Variants in CCDC88C observed in about 807,000 individuals in gnomAD.
CCDC88C encodes coiled-coil and HOOK domain protein 88C, also known as protein Daple.
CCDC88C carries 131 observed loss-of-function variants against 198.8 expected under a neutral mutation model. The observed-to-expected ratio is 0.66, with a 90% CI of 0.57 to 0.76. CCDC88C has a LOEUF of 0.76. CCDC88C is among the 30% of genes least tolerant of loss of function. CCDC88C has a pLI of 0.00. For synonymous variants in CCDC88C, 1,166 were observed against 1,114.7 expected (o/e 1.05, Z -0.92); for missense variants, 2,553 against 2,631.6 (o/e 0.97, Z 0.65).
intron 4 of CCDC88C, among the ~76,000 whole-genome samples, chr14:91,356,314 C>T (rs903669354): frequency 3.3e-5 from 5 of 152,196 alleles, no homozygotes; most frequent in African/African-American, 1.2e-4. Context: ...CGTCCCCCAG[C>T]CCTGACACGT....
Position 91,315,872 on chromosome 14 carries a change from A to G in CCDC88C, c.1528-85T>C, listed in dbSNP as rs1295339517. 8.0e-6 allele frequency: 11 copies of G among 1,378,302 alleles called. No individual in the cohort carries two copies. The Admixed American group carries it at 8.3e-5, about 10-fold the overall frequency. The allele number at this position is 1,378,302 out of a possible 1,614,324, so 85.4% of individuals were successfully genotyped here. A position where few individuals can be genotyped will look rare whatever the true frequency, so the allele number is the denominator to read the frequency against. Reference sequence around the variant, plus strand: ...TTAAAACAAAACAGAAACCACCCCAACAGAATGCACTGATGGGTCTTTTCT... The same window carrying G: ...TTAAAACAAAACAGAAACCACCCCAGCAGAATGCACTGATGGGTCTTTTCT... On this transcript the variant is annotated intron_variant, in intron 13 of 29. Transcript: ENST00000389857.
chr14:91,366,879 C>T (rs1894566014), intron 3 of CCDC88C, among the ~76,000 whole-genome samples: 1 of 152,198 alleles, frequency 6.6e-6, no homozygotes, highest in South Asian at 2.1e-4. Flanking sequence ...AAAGACTTAA[C>T]AACCTGCCAG....
intron 13 of CCDC88C, among the ~76,000 whole-genome samples, chr14:91,316,910 A>C (rs1325078075): frequency 6.6e-6 from 1 of 152,314 alleles, no homozygotes; most frequent in South Asian, 2.1e-4. Flanking sequence ...TCTGGCCCCC[A>C]GAGGGTTTCC....
intron 13 of CCDC88C, among the ~76,000 whole-genome samples, chr14:91,318,438 A>C (rs982065209): frequency 2.6e-5 from 4 of 152,126 alleles, no homozygotes; most frequent in African/African-American, 7.2e-5. Context: ...CACTTTCCCC[A>C]TGCTGCCCTG....
intron 10 of CCDC88C, among the ~76,000 whole-genome samples, chr14:91,337,521 TG>T (rs1436282093): frequency 1.3e-5 from 2 of 152,160 alleles, no homozygotes; most frequent in African/African-American, 4.8e-5. Flanking sequence ...TTTTATTTTT[TG>T]TAGAGACAGA....
chr14:91,403,417 G>C (rs141183718), intron 3 of CCDC88C, among the ~76,000 whole-genome samples: 1 of 152,164 alleles, frequency 6.6e-6, no homozygotes, highest in Admixed American at 6.5e-5. Flanking sequence ...TCCAGACAAG[G>C]CGCCGGACTG....
chr14:91,371,147 G>A lies in CCDC88C; in HGVS notation c.271-11436C>T, dbSNP rs1894777937. Reference sequence around the variant, plus strand: ...TAAGTCCACCCCTCCTGGCTAAAACGACAGCATCGGTGCTCCAGTGCTTGG... The same window carrying A: ...TAAGTCCACCCCTCCTGGCTAAAACAACAGCATCGGTGCTCCAGTGCTTGG... On this transcript the variant is annotated intron_variant, in intron 3 of 29. Transcript: ENST00000389857. This position sits in a 1 kb window ranked among gnomAD's most constrained non-coding sequence, Gnocchi z 4.2. Among the ~76,000 whole-genome samples the A allele has an allele frequency of 6.6e-6, 1 of 152,140 alleles. No homozygotes were observed. The highest frequency in any genetic ancestry group is 2.4e-5 in the African/African-American group (1 of 41,416).
chr14:91,350,181 G>C (rs1255519522), intron 4 of CCDC88C, among the ~76,000 whole-genome samples: 2 of 148,634 alleles, frequency 1.3e-5, no homozygotes, highest in Non-Finnish European at 3.0e-5. Context: ...TTTTTTTGGA[G>C]ACAGAGTCTC....
chr14:91,299,277 C>T (rs1035969979), intron 21 of CCDC88C, among the ~76,000 whole-genome samples: 3 of 152,188 alleles, frequency 2.0e-5, no homozygotes, highest in Non-Finnish European at 2.9e-5. Flanking sequence ...CCACCTTCTG[C>T]TTAGGGACAT....
rs756819882 is a variant in CCDC88C, at chr14:91,408,658, C to G, written c.270+1G>C. On this transcript the variant is annotated splice_donor_variant, in intron 3 of 29. Coordinates refer to ENST00000389857, the MANE Select transcript of CCDC88C (RefSeq NM_001080414.4). LOFTEE classifies it high-confidence loss of function. Reference sequence around the variant, plus strand: ...ATTCCCGACAGCAGAACTGCCCTTACCTGGTAGTAGGTCTTAATGTTTCTC... The same window carrying G: ...ATTCCCGACAGCAGAACTGCCCTTAGCTGGTAGTAGGTCTTAATGTTTCTC... The G allele has an allele frequency of 6.3e-7, 1 of 1,584,298 alleles. No homozygotes were observed. The highest frequency in any genetic ancestry group is 8.7e-7 in the Non-Finnish European group (1 of 1,152,958).
rs761047287 is a variant in CCDC88C, at chr14:91,278,087, G to C, written c.4893C>G (p.His1631Gln). The C allele has an allele frequency of 1.2e-6, 2 of 1,612,520 alleles. No homozygotes were observed. Among genetic ancestry groups the C allele is most frequent in the Admixed American group, 1.7e-5 (1 of 59,878 alleles). The change falls in exon 29 of 30, where the codon CAC becomes CAG. Residue 1631 changes from histidine (H) to glutamine (Q), a missense_variant. By Grantham distance (24) the His-to-Gln change is conservative (BLOSUM62 0). Around this residue, in one of 2 missense-constraint regions of CCDC88C, gnomAD observed 1,293 missense variants for 1,219.6 expected, o/e 1.06. Transcript: ENST00000389857. ...GCCCGTTCCGAGGCAAGGGGTACTC[G>C]TGGCGGCCGAGGGCGTTGCGTCCCG... ...STPGRNALGR[H>Q]EYPLPRNGPL...
chr14:91,408,550 G>A (rs774374252), intron 3 of CCDC88C, 109 bp downstream of exon 3: 2 of 719,698 alleles, frequency 2.8e-6, no homozygotes, highest in Middle Eastern at 2.3e-4. Context: ...TCAACAAGTA[G>A]AGGCCTAAAC....
chr14:91,340,046 C>T (rs1893252945), intron 6 of CCDC88C, 22 bp from the exon 7 acceptor site: 2 of 1,607,864 alleles, frequency 1.2e-6, no homozygotes. Context: ...CATGGCAGGG[C>T]ACTGCAGGGG....
At chr14:91,281,781 C>A (rs1413951075) in intron 26 of CCDC88C, among the ~76,000 whole-genome samples, 2 of 152,106 alleles carry the variant, frequency 1.3e-5, no homozygotes, top group Non-Finnish European at 2.9e-5. Flanking sequence ...ACGTGTGGAC[C>A]AAAGGCGTGT....
chr14:91,367,635 G>C (rs1369265649), intron 3 of CCDC88C, among the ~76,000 whole-genome samples: 1 of 152,252 alleles, frequency 6.6e-6, no homozygotes, highest in Middle Eastern at 3.4e-3. Context: ...AGGGAGTACT[G>C]CCAAACTGCC....
In CCDC88C at chr14:91,341,825, C is replaced by T. The variant is rs117299931; in HGVS notation, c.483+555G>A. Among the ~76,000 whole-genome samples, 103 of 152,336 alleles carry T rather than the reference C, an allele frequency of 6.8e-4. 1 individual carries two copies. In the East Asian group the frequency reaches 0.018, roughly 27 times the overall value. The stretch of plus-strand genomic sequence containing the variant: ...GCCAGGGGCTCCTCCTCCTCCACTC[C>T]GCTGACGCTCAGTGCAGAGCCCTCC... On this transcript the variant is annotated intron_variant, in intron 6 of 29. Transcript: ENST00000389857.
At chr14:91,363,304 T>C (rs1894391623) in intron 3 of CCDC88C, among the ~76,000 whole-genome samples, 1 of 146,262 alleles carries the variant, frequency 6.8e-6, no homozygotes, top group Non-Finnish European at 1.5e-5. Flanking sequence ...AGAGAGGGGG[T>C]TTCACCATGT....
At chr14:91,317,606 G>A (rs557582271) in intron 13 of CCDC88C, among the ~76,000 whole-genome samples, 7 of 152,344 alleles carry the variant, frequency 4.6e-5, no homozygotes, top group East Asian at 1.9e-4. Flanking sequence ...CTGCAGGGTC[G>A]GGCCAGATTC....
chr14:91,326,670 A>C (rs936696612), intron 10 of CCDC88C, among the ~76,000 whole-genome samples: 2 of 152,216 alleles, frequency 1.3e-5, no homozygotes, highest in African/African-American at 2.4e-5. Context: ...TTCCTTAACA[A>C]GGAAGGAGTG....
Sources: allele counts gnomAD v4.1 joint callset (sites outside exome capture counted in the v4.1 genomes callset), GRCh38; gene constraint gnomAD v4.1.1; regional missense constraint gnomAD v4.1.1; non-coding constraint Gnocchi (gnomAD v3.1); transcripts MANE v1.5; gene names NCBI Gene and HGNC (gene_info 2026-07-23, HGNC 2026-07-21).